TRPC5OS: variants seen among roughly 807,000 people sequenced by gnomAD.
The protein encoded by TRPC5OS is putative uncharacterized protein TRPC5OS.
For missense variants in TRPC5OS, 64 were observed against 79.3 expected (o/e 0.81, Z 0.73); for synonymous variants, 30 against 29.3 (o/e 1.02, Z -0.08).
At chrX:111,898,664 A>G (rs772642238) in intron 3 of TRPC5OS, among the ~76,000 whole-genome samples, 2 of 110,740 alleles carry the variant, frequency 1.8e-5, no homozygotes, top group South Asian at 7.7e-4. Context: ...ATTTTAGTCT[A>G]TATGTATGTG....
chrX:111,888,713 A>G lies in TRPC5OS; in HGVS notation c.-545-7238A>G, dbSNP rs1257513643. On this transcript the variant is annotated intron_variant, in intron 1 of 3. Transcript: ENST00000635763. ...TATCTCAAAAAAAAAAAAAAAAAAAAAAAAAAGAAAGAAAAGAAAAGAAAA... is the reference window on the plus strand; with the variant it reads ...TATCTCAAAAAAAAAAAAAAAAAAAGAAAAAAGAAAGAAAAGAAAAGAAAA... Among the ~76,000 whole-genome samples the G allele has an allele frequency of 7.8e-4, 82 of 104,868 alleles. 3 individuals carry two copies. Among genetic ancestry groups the G allele is most frequent in the African/African-American group, 2.8e-3 (80 of 28,738 alleles). The allele number at this position is 104,868 out of a possible 115,157, so 91.1% of individuals were successfully genotyped here.
intron 1 of TRPC5OS, among the ~76,000 whole-genome samples, chrX:111,891,681 C>T (rs1381486654): frequency 9.0e-6 from 1 of 111,140 alleles, no homozygotes; most frequent in Non-Finnish European, 1.9e-5. Flanking sequence ...GCTGAGATTA[C>T]AGGCACCCAC....
At chrX:111,883,212 G>A (rs747615954) in intron 1 of TRPC5OS, among the ~76,000 whole-genome samples, 1 of 112,389 alleles carries the variant, frequency 8.9e-6, no homozygotes, top group Non-Finnish European at 1.9e-5. Context: ...TGTTGCCCAA[G>A]TCTAGTTTTG....
intron 1 of TRPC5OS, among the ~76,000 whole-genome samples, chrX:111,884,695 C>G (rs1446111627): frequency 8.9e-6 from 1 of 112,861 alleles, no homozygotes; most frequent in Non-Finnish European, 1.9e-5. Flanking sequence ...ATTAAGGCCT[C>G]GTCAGCCCAG....
chrX:111,888,720 G>GAAAGA (rs1197355115), intron 1 of TRPC5OS, among the ~76,000 whole-genome samples: 6 of 76,185 alleles, frequency 7.9e-5, no homozygotes, highest in South Asian at 6.2e-4. Flanking sequence ...AAAAAAAAAA[G>GAAAGA]AAAGAAAAGA....
At chrX:111,885,301 CTTAGT>C (rs1049944115) in intron 1 of TRPC5OS, among the ~76,000 whole-genome samples, 1 of 112,328 alleles carries the variant, frequency 8.9e-6, no homozygotes, top group African/African-American at 3.2e-5. Flanking sequence ...AAGGACTAAG[CTTAGT>C]TAAGTCCTAG....
chrX:111,893,431 T>C (rs7876745), intron 1 of TRPC5OS, among the ~76,000 whole-genome samples: 18,511 of 111,115 alleles, frequency 0.17, 2,800 homozygotes, highest in African/African-American at 0.49. Context: ...GAGTGTCTAT[T>C]CTCATGTTTG....
At chrX:111,878,014 A>G (rs1924036593) in intron 1 of TRPC5OS, among the ~76,000 whole-genome samples, 1 of 111,466 alleles carries the variant, frequency 9.0e-6, no homozygotes, top group South Asian at 3.8e-4. Flanking sequence ...CAAGATACTG[A>G]TAGAGAGTGG....
chrX:111,894,651 A>T (rs895515100), intron 1 of TRPC5OS, among the ~76,000 whole-genome samples: 2 of 111,859 alleles, frequency 1.8e-5, no homozygotes, highest in East Asian at 5.6e-4. Context: ...GGCTTGCTGA[A>T]TCCTGGTAAG....
chrX:111,896,406 G>C lies in TRPC5OS; in HGVS notation c.-399-1G>C, dbSNP rs1925066786. ...GGGTGTGGTTTTTTTTGTTGTTGCA[G>C]GAGCGTTCACATCCTGTTTGGAAAC... On this transcript the variant is annotated splice_acceptor_variant, in intron 2 of 3. Coordinates refer to ENST00000635763, the MANE Select transcript of TRPC5OS (RefSeq NM_001195578.2). LOFTEE classifies it low-confidence loss of function (5UTR_SPLICE). 9.2e-6 allele frequency: 1 copy of C among 108,856 alleles called. No individual in the cohort carries two copies. Among genetic ancestry groups the C allele is most frequent in the Non-Finnish European group, 1.9e-5 (1 of 52,429 alleles). The allele number at this position is 108,856 out of a possible 1,213,427, so 9.0% of individuals were successfully genotyped here. A position where few individuals can be genotyped will look rare whatever the true frequency, so the allele number is the denominator to read the frequency against.
chrX:111,894,699 T>C (rs1274889224), intron 1 of TRPC5OS, among the ~76,000 whole-genome samples: 7 of 109,611 alleles, frequency 6.4e-5, no homozygotes, highest in African/African-American at 2.4e-4. Context: ...TTAGTTTTTA[T>C]AGGATGTAGG....
intron 1 of TRPC5OS, among the ~76,000 whole-genome samples, chrX:111,892,630 A>G (rs886473494): frequency 4.5e-5 from 5 of 112,050 alleles, no homozygotes; most frequent in Non-Finnish European, 7.5e-5. Context: ...GATTCCCTAC[A>G]GTCTTTGATT....
At chrX:111,877,640 G>A (rs115822721) in intron 1 of TRPC5OS, among the ~76,000 whole-genome samples, 3,334 of 111,161 alleles carry the variant, frequency 0.03, 123 homozygotes, top group African/African-American at 0.1. Flanking sequence ...TAAAACCATA[G>A]GAGTTGGTAT....
At chrX:111,890,281 C>A (rs1473143565) in intron 1 of TRPC5OS, among the ~76,000 whole-genome samples, 1 of 111,732 alleles carries the variant, frequency 8.9e-6, no homozygotes, top group East Asian at 2.8e-4. Context: ...TGAATACGGC[C>A]CAACACAAAT....
At chrX:111,901,374 G>A (rs901772759) in intron 3 of TRPC5OS, among the ~76,000 whole-genome samples, 166 bp from the exon 4 acceptor site, 2 of 111,819 alleles carry the variant, frequency 1.8e-5, no homozygotes, top group Non-Finnish European at 3.8e-5. Context: ...AAAGGAAAGA[G>A]AAGTAGTAGA....
At chrX:111,890,717 A>T (rs899578608) in intron 1 of TRPC5OS, among the ~76,000 whole-genome samples, 1 of 112,179 alleles carries the variant, frequency 8.9e-6, no homozygotes, top group East Asian at 2.8e-4. Context: ...TAAATAAAAA[A>T]TTTTAACTTT....
At chrX:111,889,928 C>T (rs373779794) in intron 1 of TRPC5OS, among the ~76,000 whole-genome samples, 21 of 110,848 alleles carry the variant, frequency 1.9e-4, no homozygotes, top group African/African-American at 6.9e-4. Context: ...ACTGTAGGAA[C>T]ACTCTGGGAA....
intron 1 of TRPC5OS, among the ~76,000 whole-genome samples, chrX:111,892,216 T>C (rs1196864161): frequency 8.9e-6 from 1 of 112,421 alleles, no homozygotes; most frequent in Non-Finnish European, 1.9e-5. Context: ...TAGGATGGTA[T>C]GAAGTAAAAA....
Position 111,902,211 on chromosome X carries a change from G to C in TRPC5OS, c.*26G>C. On this transcript the variant is annotated 3_prime_UTR_variant, in exon 4 of 4. Transcript: ENST00000635763. ...GACCCAATTTCTGCCCCCGTCCCCA[G>C]GGATGTGAAAACTGATCATTTCTCT... The C allele has an allele frequency of 1.0e-6, 1 of 991,042 alleles. No individual in the cohort carries two copies. Among genetic ancestry groups the C allele is most frequent in the Non-Finnish European group, 1.3e-6 (1 of 752,590 alleles). The allele number at this position is 991,042 out of a possible 1,213,427, so 81.7% of individuals were successfully genotyped here.
Sources: allele counts gnomAD v4.1 joint callset (sites outside exome capture counted in the v4.1 genomes callset), GRCh38; gene constraint gnomAD v4.1.1; transcripts MANE v1.5; gene names NCBI Gene and HGNC (gene_info 2026-07-23, HGNC 2026-07-21).